CACNA2D2: variants seen among roughly 807,000 people sequenced by gnomAD.
CACNA2D2 encodes the protein calcium voltage-gated channel auxiliary subunit alpha2delta 2, also known as voltage-dependent calcium channel subunit alpha-2/delta-2.
A neutral mutation model predicts 166.4 loss-of-function variants in CACNA2D2; 48 were observed. The ratio of observed to expected loss-of-function variants is 0.29; its 90% CI spans 0.23 to 0.37. The LOEUF is 0.37. CACNA2D2 is among the 10% of genes least tolerant of loss of function. CACNA2D2 has a pLI of 1.00. For missense variants in CACNA2D2, 1,122 were observed against 1,433.0 expected, an observed-to-expected ratio of 0.78 and a Z score of 3.50; for synonymous variants, 561 against 573.7, an observed-to-expected ratio of 0.98 and a Z score of 0.32.
intron 2 of CACNA2D2, among the ~76,000 whole-genome samples, chr3:50,468,932 A>C (rs1392874509): frequency 6.6e-5 from 10 of 151,064 alleles, no homozygotes; most frequent in Non-Finnish European, 1.3e-4. Context: ...AGGTTCAAGC[A>C]ATTTTCCTGC....
intron 5 of CACNA2D2, among the ~76,000 whole-genome samples, chr3:50,386,466 G>A (rs995684046): frequency 1.3e-5 from 2 of 152,230 alleles, no homozygotes; most frequent in African/African-American, 4.8e-5. Context: ...CTAATTAAAG[G>A]TTCGCTCTTC....
chr3:50,458,498 G>T (rs1029180020), intron 2 of CACNA2D2, among the ~76,000 whole-genome samples: 1 of 152,238 alleles, frequency 6.6e-6, no homozygotes, highest in East Asian at 1.9e-4. Flanking sequence ...AGACCAGCCC[G>T]GGCTTGCCTA....
chr3:50,378,425 G>T, intron 13 of CACNA2D2, 92 bp from the exon 14 acceptor site: 2 of 1,286,846 alleles, frequency 1.6e-6, no homozygotes, highest in Non-Finnish European at 2.2e-6. Flanking sequence ...CTGCAGCCCT[G>T]CCTCGCCTCT....
At chr3:50,442,562 A>G (rs1005857207) in intron 2 of CACNA2D2, among the ~76,000 whole-genome samples, 1 of 152,150 alleles carries the variant, frequency 6.6e-6, no homozygotes, top group African/African-American at 2.4e-5. Flanking sequence ...GCACGACCTC[A>G]TGTAGGTGCC....
chr3:50,428,301 A>T (rs1239558670), intron 3 of CACNA2D2, among the ~76,000 whole-genome samples: 1 of 152,094 alleles, frequency 6.6e-6, no homozygotes, highest in African/African-American at 2.4e-5. Flanking sequence ...GCCGAGGCTG[A>T]CGCCCTGCTT....
chr3:50,484,764 G>A (rs1189577152), intron 1 of CACNA2D2, among the ~76,000 whole-genome samples: 2 of 152,232 alleles, frequency 1.3e-5, no homozygotes, highest in South Asian at 2.1e-4. Context: ...CTCTGCCTTG[G>A]GCTGTGAGCC....
intron 2 of CACNA2D2, among the ~76,000 whole-genome samples, chr3:50,474,777 G>T (rs1710238814): frequency 6.6e-6 from 1 of 152,152 alleles, no homozygotes; most frequent in Non-Finnish European, 1.5e-5. Context: ...TTGGAGCCTG[G>T]TTAGTGCTGG....
At chr3:50,470,199 T>C (rs1362364616) in intron 2 of CACNA2D2, among the ~76,000 whole-genome samples, 1 of 152,200 alleles carries the variant, frequency 6.6e-6, no homozygotes, top group East Asian at 1.9e-4. Context: ...TGCCACTGCA[T>C]CTCTACCTTG....
chr3:50,426,981 G>A (rs1707834746), intron 3 of CACNA2D2, among the ~76,000 whole-genome samples: 1 of 152,196 alleles, frequency 6.6e-6, no homozygotes, highest in Non-Finnish European at 1.5e-5. Flanking sequence ...CCTTCAAGGG[G>A]TCTCAGGATT....
At chr3:50,414,036 T>C (rs1425449742) in intron 3 of CACNA2D2, among the ~76,000 whole-genome samples, 4 of 151,948 alleles carry the variant, frequency 2.6e-5, no homozygotes, top group Admixed American at 6.6e-5. Flanking sequence ...TAGTGCCCTC[T>C]GGCCATCTGT....
At chr3:50,446,313 C>T (rs986887427) in intron 2 of CACNA2D2, among the ~76,000 whole-genome samples, 41 of 152,374 alleles carry the variant, frequency 2.7e-4, no homozygotes, top group African/African-American at 9.6e-4. Context: ...AAATTCTCAC[C>T]AGCCCCAGTT....
chr3:50,411,565 TA>T (rs1306728626), intron 3 of CACNA2D2, among the ~76,000 whole-genome samples: 1 of 152,234 alleles, frequency 6.6e-6, no homozygotes, highest in East Asian at 1.9e-4. Context: ...AGTTTTCACT[TA>T]TGGGTACCTG....
intron 1 of CACNA2D2, among the ~76,000 whole-genome samples, chr3:50,490,583 T>C (rs1698481066): frequency 6.6e-6 from 1 of 152,230 alleles, no homozygotes. Context: ...GAGTGGCCTA[T>C]GCCCTCTGGC....
At chr3:50,378,456 G>A in intron 13 of CACNA2D2, 123 bp from the exon 14 acceptor site, 1 of 964,538 alleles carries the variant, frequency 1.0e-6, no homozygotes, top group East Asian at 2.6e-5. Context: ...TCTTTTTGGG[G>A]TCCTCTCCCT....
chr3:50,385,065 C>A (rs1296667101), intron 5 of CACNA2D2, among the ~76,000 whole-genome samples: 2 of 152,308 alleles, frequency 1.3e-5, no homozygotes, highest in African/African-American at 4.8e-5. Context: ...CACGGCCGGG[C>A]AGGCTGGGCA....
In CACNA2D2 at chr3:50,375,514, A is replaced by G. The variant is rs2071802; in HGVS notation, c.1907+130T>C. ...TTGGCAGACTAAGCATCTCAGGGTG[A>G]GTAGTGAGCAGCCCTGGCCACTGGT... On this transcript the variant is annotated intron_variant, in intron 21 of 37. Coordinates refer to ENST00000424201, the MANE Select transcript of CACNA2D2 (RefSeq NM_006030.4). The surrounding 1 kb of genome is among the most constrained non-coding windows in gnomAD (Gnocchi z 4.0). 0.1 allele frequency: 87,875 copies of G among 871,668 alleles called. 4,924 individuals carry two copies. The highest frequency in any genetic ancestry group is 0.11 in the Non-Finnish European group (61,069 of 550,974). 54.0% of individuals were successfully genotyped at this position (871,668 alleles called of 1,614,324 possible).
chr3:50,460,431 T>C (rs1045136480), intron 2 of CACNA2D2, among the ~76,000 whole-genome samples: 2 of 152,182 alleles, frequency 1.3e-5, no homozygotes, highest in Non-Finnish European at 2.9e-5. Context: ...TTTTTTTGTT[T>C]TTTTGTTTTA....
chr3:50,446,581 C>T (rs1708858037), intron 2 of CACNA2D2, among the ~76,000 whole-genome samples: 1 of 152,208 alleles, frequency 6.6e-6, no homozygotes, highest in Admixed American at 6.5e-5. Flanking sequence ...TCCATTGGGC[C>T]ACCTGCACCA....
intron 3 of CACNA2D2, among the ~76,000 whole-genome samples, chr3:50,407,774 G>A (rs1409417701): frequency 6.6e-6 from 1 of 152,212 alleles, no homozygotes; most frequent in Admixed American, 6.5e-5. Context: ...TATGGGAGAG[G>A]AGTATGGTTA....
Sources: gnomAD v4.1 joint callset for allele counts (sites outside exome capture counted in the v4.1 genomes callset) on GRCh38, gnomAD v4.1.1 for gene constraint, Gnocchi (gnomAD v3.1) non-coding constraint, MANE v1.5 for transcripts, NCBI Gene and HGNC (gene_info 2026-07-23, HGNC 2026-07-21) for gene names.